Variants in CHODL observed in about 807,000 individuals in gnomAD.
CHODL encodes chondrolectin.
In CHODL, 29 loss-of-function variants were observed where a neutral mutation model predicts 34.5. That is an observed-to-expected ratio of 0.84 (90% CI 0.63 to 1.15). The LOEUF is 1.15. CHODL is among the 50% of genes most tolerant of loss of function. The pLI, the probability that CHODL is intolerant of heterozygous loss-of-function variation, is 0.00. For missense variants in CHODL, 332 were observed against 332.5 expected (o/e 1.00, Z 0.01); for synonymous variants, 125 against 116.1 (o/e 1.08, Z -0.49).
chr21:18,091,832 T>C (rs1463923443), intron 2 of CHODL, among the ~76,000 whole-genome samples: 3 of 151,948 alleles, frequency 2.0e-5, no homozygotes, highest in Non-Finnish European at 4.4e-5. Context: ...GGACCAGTAG[T>C]GGTGGTGATG....
intron 1 of CHODL, among the ~76,000 whole-genome samples, chr21:17,939,470 A>G (rs545882689): frequency 6.6e-6 from 1 of 152,300 alleles, no homozygotes; most frequent in Admixed American, 6.5e-5. Flanking sequence ...TTCTTTATCC[A>G]TTTCATCTGT....
chr21:18,115,605 C>T (rs1284991315), intron 2 of CHODL, among the ~76,000 whole-genome samples: 1 of 152,208 alleles, frequency 6.6e-6, no homozygotes, highest in Non-Finnish European at 1.5e-5. Context: ...CCCTGATTCA[C>T]CTTCTCCCAT....
intron 1 of CHODL, among the ~76,000 whole-genome samples, chr21:17,976,270 G>GAAAAAAAA (rs71318119): frequency 6.0e-5 from 4 of 66,524 alleles, no homozygotes; most frequent in Non-Finnish European, 9.7e-5. Flanking sequence ...GACCATCTCA[G>GAAAAAAAA]AAAAAAAAAA....
intron 2 of CHODL, among the ~76,000 whole-genome samples, chr21:18,110,589 G>GCCAACACC (rs2065336362): frequency 1.1e-5 from 1 of 87,584 alleles, no homozygotes; most frequent in African/African-American, 3.3e-5. Flanking sequence ...TACAGCTGAT[G>GCCAACACC]TCTGCCAGGC....
chr21:17,974,161 C>T (rs553742158), intron 1 of CHODL, among the ~76,000 whole-genome samples: 21 of 152,260 alleles, frequency 1.4e-4, no homozygotes, highest in African/African-American at 5.1e-4. Context: ...TTTGCAAAAC[C>T]ACACAGATAT....
chr21:18,183,302 C>G (rs369608172), intron 2 of CHODL, among the ~76,000 whole-genome samples: 4 of 152,292 alleles, frequency 2.6e-5, no homozygotes, highest in South Asian at 4.1e-4. Flanking sequence ...GCCAAACTGT[C>G]CTGCTTTCCG....
intron 2 of CHODL, among the ~76,000 whole-genome samples, chr21:18,126,582 G>A (rs932502277): frequency 1.3e-5 from 2 of 151,406 alleles, no homozygotes; most frequent in Admixed American, 6.6e-5. Flanking sequence ...CCATGAACAC[G>A]GGATATCTTT....
intron 2 of CHODL, among the ~76,000 whole-genome samples, chr21:18,123,154 C>A (rs1276647666): frequency 3.9e-5 from 6 of 152,162 alleles, no homozygotes; most frequent in African/African-American, 1.4e-4. Flanking sequence ...GAGAGGTCTC[C>A]CCGAGGAGCT....
At chr21:18,078,200 A>C (rs560559631) in intron 2 of CHODL, among the ~76,000 whole-genome samples, 2 of 152,306 alleles carry the variant, frequency 1.3e-5, no homozygotes, top group South Asian at 4.1e-4. Context: ...TAAAGGAAAG[A>C]GGGTTGAGGG....
intron 1 of CHODL, among the ~76,000 whole-genome samples, chr21:18,002,489 C>G (rs1419964826): frequency 6.6e-6 from 1 of 152,136 alleles, no homozygotes; most frequent in Non-Finnish European, 1.5e-5. Flanking sequence ...TTGTCACATG[C>G]TGGCTTTGAA....
chr21:18,177,366 T>G (rs1178262965), intron 2 of CHODL, among the ~76,000 whole-genome samples: 1 of 152,118 alleles, frequency 6.6e-6, no homozygotes, highest in African/African-American at 2.4e-5. Context: ...AATAATCCAG[T>G]TTCTTCTTAC....
intron 2 of CHODL, among the ~76,000 whole-genome samples, chr21:18,142,984 G>A (rs980558989): frequency 3.9e-5 from 6 of 152,130 alleles, no homozygotes; most frequent in Non-Finnish European, 8.8e-5. Context: ...AGAATGAGAA[G>A]ACATAATGAG....
At chr21:18,124,622 G>A (rs568606501) in intron 2 of CHODL, among the ~76,000 whole-genome samples, 1 of 152,280 alleles carries the variant, frequency 6.6e-6, no homozygotes, top group East Asian at 1.9e-4. Flanking sequence ...TGGTGAGAAT[G>A]TTATACTATC....
intron 2 of CHODL, among the ~76,000 whole-genome samples, chr21:18,062,035 A>G (rs1283887682): frequency 6.6e-6 from 1 of 152,204 alleles, no homozygotes; most frequent in Admixed American, 6.5e-5. Context: ...GTTAGGAGAC[A>G]TAGAAGACAA....
intron 2 of CHODL, among the ~76,000 whole-genome samples, chr21:18,076,782 C>T (rs748579119): frequency 1.3e-5 from 2 of 152,196 alleles, no homozygotes; most frequent in African/African-American, 2.4e-5. Context: ...CTGGAGAGAG[C>T]CCTCATTAGG....
chr21:17,929,188 G>A (rs921526929), intron 1 of CHODL, among the ~76,000 whole-genome samples: 1 of 152,124 alleles, frequency 6.6e-6, no homozygotes, highest in African/African-American at 2.4e-5. Context: ...AACAGACACA[G>A]GATATTTTCA....
At chr21:18,190,317 T>G (rs2146690243) in intron 2 of CHODL, among the ~76,000 whole-genome samples, 1 of 152,308 alleles carries the variant, frequency 6.6e-6, no homozygotes, top group South Asian at 2.1e-4. Flanking sequence ...TGAAAGCTAC[T>G]TATAGGTAGA....
intron 1 of CHODL, among the ~76,000 whole-genome samples, chr21:18,015,279 A>C (rs113963812): frequency 3.7e-4 from 57 of 152,232 alleles, no homozygotes; most frequent in African/African-American, 1.3e-3. Flanking sequence ...CTGGTTGTTT[A>C]AAAGTGTGTA....
At chr21:18,092,218 T>C (rs1291916543) in intron 2 of CHODL, among the ~76,000 whole-genome samples, 2 of 152,220 alleles carry the variant, frequency 1.3e-5, no homozygotes, top group African/African-American at 4.8e-5. Context: ...CCAAAGTCTC[T>C]GCCTGGTAAT....
Sources: gnomAD v4.1 joint callset for allele counts (sites outside exome capture counted in the v4.1 genomes callset) on GRCh38, gnomAD v4.1.1 for gene constraint, MANE v1.5 for transcripts, NCBI Gene and HGNC (gene_info 2026-07-23, HGNC 2026-07-21) for gene names.